Variants in CDHR2 observed in about 807,000 individuals in gnomAD.
The protein encoded by CDHR2 is cadherin-related family member 2.
Under a neutral mutation model 138.6 loss-of-function variants are expected in CDHR2, and 104 were observed. The ratio of observed to expected loss-of-function variants is 0.75; its 90% CI spans 0.64 to 0.88. CDHR2 has a LOEUF of 0.88. Among genes scored for constraint, CDHR2 ranks in the 40% least tolerant of loss-of-function variants. The probability of loss-of-function intolerance (pLI) is 0.00; values close to 1 mark genes in which losing one functional copy is unlikely to be tolerated. For synonymous variants in CDHR2, 755 were observed against 742.8 expected, an observed-to-expected ratio of 1.02 and a Z score of -0.27; for missense variants, 1,624 against 1,727.6, an observed-to-expected ratio of 0.94 and a Z score of 1.06.
At chr5:176,590,791 C>G in intron 28 of CDHR2, 104 bp downstream of exon 28, 3 of 1,452,424 alleles carry the variant, frequency 2.1e-6, no homozygotes, top group Non-Finnish European at 2.8e-6. Context: ...CACAGGTATA[C>G]ATGCATTCAC....
chr5:176,562,733 G>A (rs1298210087), intron 1 of CDHR2, among the ~76,000 whole-genome samples: 1 of 152,292 alleles, frequency 6.6e-6, no homozygotes, highest in Admixed American at 6.5e-5. Context: ...TTCGAAATGG[G>A]GTTTGGGGCA....
intron 24 of CDHR2, 24 bp downstream of exon 24, chr5:176,589,640 G>A: frequency 6.2e-7 from 1 of 1,608,218 alleles, no homozygotes; most frequent in Non-Finnish European, 8.5e-7. Context: ...GCCCCGGAGG[G>A]AGGGGTAGGA....
chr5:176,593,180 T>G (rs964660086), intron 31 of CDHR2, among the ~76,000 whole-genome samples: 2 of 152,176 alleles, frequency 1.3e-5, no homozygotes, highest in Non-Finnish European at 2.9e-5. Context: ...TGAACCAGCA[T>G]AGTCTAGCAA....
rs1392279690 is a variant in CDHR2 at position 176,576,112 on chromosome 5, G to T, written c.1121G>T (p.Gly374Val). 6.2e-7 allele frequency: 1 copy of T among 1,614,120 alleles called. No individual in the cohort carries two copies. The highest frequency in any genetic ancestry group is 2.2e-5 in the East Asian group (1 of 44,874). Reference sequence around the variant, plus strand: ...GAAGAGGCCCAAGTGAACTTCACTGGCTACGTGGACGAGCATGCCTCCCCC... The same window carrying T: ...GAAGAGGCCCAAGTGAACTTCACTGTCTACGTGGACGAGCATGCCTCCCCC... Reference protein sequence around the residue: ...TPEEAQVNFTGYVDEHASPRI... With the variant: ...TPEEAQVNFTVYVDEHASPRI... The change falls in exon 12 of 32, where the codon GGC becomes GTC. Residue 374 changes from glycine (G) to valine (V), a missense_variant. Gly to Val is a moderately radical substitution (Grantham distance 109). Transcript: ENST00000261944. This position sits in a 1 kb window ranked among gnomAD's most constrained non-coding sequence, Gnocchi z 4.5.
At chr5:176,581,237 G>C (rs4867840) in intron 16 of CDHR2, 106 bp from the exon 17 acceptor site, 1 of 1,449,182 alleles carries the variant, frequency 6.9e-7, no homozygotes, top group South Asian at 1.3e-5. Flanking sequence ...CAGGCCTGAT[G>C]ACTGCCTGCG....
At chr5:176,566,828 G>A (rs887823675) in intron 3 of CDHR2, 14 of 418,034 alleles carry the variant, frequency 3.3e-5, no homozygotes, top group Non-Finnish European at 5.4e-5. Flanking sequence ...AAGGGAACCT[G>A]GCAAATGTGG....
At chr5:176,573,988 C>A in intron 6 of CDHR2, 95 bp from the exon 7 acceptor site, 2 of 958,424 alleles carry the variant, frequency 2.1e-6, no homozygotes, top group South Asian at 1.5e-5. Flanking sequence ...CCCATGAGTG[C>A]ACAGCTGAGG....
intron 21 of CDHR2, among the ~76,000 whole-genome samples, chr5:176,588,342 ATG>A (rs1223554402): frequency 3.1e-4 from 45 of 145,824 alleles, no homozygotes; most frequent in African/African-American, 1.2e-3. Context: ...AAGTGTGTGA[ATG>A]TGTGTGAATT....
At position 176,584,204 on chromosome 5, in the gene CDHR2, C is replaced by A. The variant is rs1169452223; in HGVS notation, c.2073C>A (p.Asn691Lys). 1.2e-6 allele frequency: 2 copies of A among 1,614,096 alleles called. No homozygotes were observed. Among genetic ancestry groups the A allele is most frequent in the South Asian group, 1.1e-5 (1 of 91,082 alleles). The change falls in exon 18 of 32, where the codon AAC (asparagine) becomes AAA (lysine). Residue 691 changes from asparagine to lysine, a missense_variant. Transcript: ENST00000261944. ...VTITVEDIND[N>K]LPIFNQSSYN... ...TCTGACTGCAGGACATCAATGATAA[C>A]CTGCCCATCTTCAATCAGTCCAGCT...
Position 176,576,246 on chromosome 5 carries a change from T to C in CDHR2, c.1194+61T>C, listed in dbSNP as rs1411482062. On this transcript the variant is annotated intron_variant, in intron 12 of 31. Coordinates refer to ENST00000261944, the MANE Select transcript of CDHR2 (RefSeq NM_017675.6). This position sits in a 1 kb window ranked among gnomAD's most constrained non-coding sequence, Gnocchi z 4.5. ...TGGGGGAGGCCAGTGGGAGCCTGGA[T>C]CGAGTGACGGTGTCATGTGGTGCTG... 2 of 1,334,800 alleles carry C rather than the reference T, an allele frequency of 1.5e-6. No individual in the cohort carries two copies. The highest frequency in any genetic ancestry group is 2.9e-5 in the African/African-American group (2 of 69,726). The allele number at this position is 1,334,800 out of a possible 1,614,324, so 82.7% of individuals were successfully genotyped here. A position where few individuals can be genotyped will look rare whatever the true frequency, so the allele number is the denominator to read the frequency against.
At chr5:176,577,074 T>C (rs1758400031) in intron 12 of CDHR2, among the ~76,000 whole-genome samples, 1 of 140,842 alleles carries the variant, frequency 7.1e-6, no homozygotes, top group African/African-American at 2.7e-5. Flanking sequence ...GTGTGAGTGG[T>C]GTTTGGTGTT....
chr5:176,586,316 C>T (rs1758665227), intron 20 of CDHR2, among the ~76,000 whole-genome samples: 2 of 152,254 alleles, frequency 1.3e-5, no homozygotes, highest in South Asian at 4.1e-4. Flanking sequence ...ATGCCTTAGC[C>T]TCCAGAGTAG....
intron 17 of CDHR2, 105 bp downstream of exon 17, chr5:176,581,687 T>G (rs1758538219): frequency 6.9e-7 from 1 of 1,455,920 alleles, no homozygotes; most frequent in South Asian, 1.3e-5. Context: ...CCTGCCTGGG[T>G]TACAATCCCG....
At chr5:176,565,034 A>T (rs1241512087) in intron 1 of CDHR2, among the ~76,000 whole-genome samples, 1 of 152,160 alleles carries the variant, frequency 6.6e-6, no homozygotes, top group Non-Finnish European at 1.5e-5. Flanking sequence ...TTGGTGCCTT[A>T]GCAGCCACCT....
rs374158863 is a variant in CDHR2 at position 176,575,730 on chromosome 5, C to A, written c.851C>A (p.Thr284Lys). Reference protein sequence around the residue: ...DPVIYSISYSTRPGWFDIGAD... With the variant: ...DPVIYSISYSKRPGWFDIGAD... The stretch of plus-strand genomic sequence containing the variant: ...CCGCCTTTCTCCTTGCCAGACTCCA[C>A]GCGGCCCGGCTGGTTTGACATCGGG... Residue 284 changes from threonine (T) to lysine (K), a missense_variant, in exon 11 of 32, where the codon ACG becomes AAG. By Grantham distance (78) the Thr-to-Lys change is moderately conservative. Transcript: ENST00000261944. The A allele has an allele frequency of 3.8e-6, 6 of 1,577,130 alleles. No individual in the cohort carries two copies. Among genetic ancestry groups the A allele is most frequent in the African/African-American group, 1.4e-5 (1 of 73,988 alleles).
intron 5 of CDHR2, among the ~76,000 whole-genome samples, 176 bp from the exon 6 acceptor site, chr5:176,571,037 C>CAAA (rs535234193): frequency 0.012 from 638 of 53,266 alleles, 64 homozygotes; most frequent in Middle Eastern, 0.021. Context: ...CTGGTCTCTA[C>CAAA]AAAAAAAAAA....
chr5:176,589,661 G>C (rs202103180), intron 24 of CDHR2, 45 bp downstream of exon 24: 13 of 1,552,340 alleles, frequency 8.4e-6, no homozygotes, highest in Non-Finnish European at 1.2e-5. Flanking sequence ...AGAACAGGGT[G>C]TAGGAGCCTG....
At chr5:176,568,920 C>G in intron 4 of CDHR2, 40 bp from the exon 5 acceptor site, 1 of 1,612,060 alleles carries the variant, frequency 6.2e-7, no homozygotes, top group Middle Eastern at 1.7e-4. Context: ...TCCCACCCAG[C>G]GGGGGCTCAC....
At position 176,576,597 on chromosome 5, in the gene CDHR2, G is replaced by A. The variant is rs1235041021; in HGVS notation, c.1194+412G>A. On this transcript the variant is annotated intron_variant, in intron 12 of 31. Coordinates refer to ENST00000261944, the MANE Select transcript of CDHR2 (RefSeq NM_017675.6). This position sits in a 1 kb window ranked among gnomAD's most constrained non-coding sequence, Gnocchi z 4.5. The stretch of plus-strand genomic sequence containing the variant: ...GGGTGCTCTTTTTTTTTTTTTTTGA[G>A]ATGGAATTTCGCTCTGTCACCCAGG... 2.0e-5 allele frequency among the ~76,000 whole-genome samples: 3 copies of A among 146,432 alleles called. No individual in the cohort carries two copies. Among genetic ancestry groups the A allele is most frequent in the African/African-American group, 7.6e-5 (3 of 39,472 alleles).
Sources: gnomAD v4.1 joint callset for allele counts (sites outside exome capture counted in the v4.1 genomes callset) on GRCh38, gnomAD v4.1.1 for gene constraint, Gnocchi (gnomAD v3.1) non-coding constraint, MANE v1.5 for transcripts, NCBI Gene and HGNC (gene_info 2026-07-23, HGNC 2026-07-21) for gene names.